The following OLFM3 variants were observed in gnomAD, a reference collection of about 807,000 sequenced individuals.
OLFM3 encodes noelin-3.
A neutral mutation model predicts 48.6 loss-of-function variants in OLFM3; 20 were observed. The ratio of observed to expected loss-of-function variants is 0.41; its 90% CI spans 0.29 to 0.60. OLFM3 has a LOEUF of 0.60. Ranked by LOEUF, OLFM3 falls within the 20% of genes least tolerant of loss-of-function variation. OLFM3 has a pLI of 0.28. For synonymous variants in OLFM3, 222 were observed against 198.1 expected (o/e 1.12, Z -1.01); for missense variants, 437 against 544.3 (o/e 0.80, Z 1.96).
chr1:101,982,131 A>G (rs1208257576), intron 1 of OLFM3, among the ~76,000 whole-genome samples: 2 of 152,214 alleles, frequency 1.3e-5, no homozygotes, highest in African/African-American at 2.4e-5. Flanking sequence ...AAACCTCCCC[A>G]ACAACAGACT....
intron 4 of OLFM3, 87 bp from the exon 5 acceptor site, chr1:101,806,269 C>G: frequency 2.1e-6 from 2 of 957,292 alleles, no homozygotes. Context: ...AGAAGGGGAT[C>G]ATAAAACTAA....
At chr1:101,942,886 T>G (rs1199296343) in intron 1 of OLFM3, among the ~76,000 whole-genome samples, 2 of 152,214 alleles carry the variant, frequency 1.3e-5, no homozygotes, top group Non-Finnish European at 2.9e-5. Flanking sequence ...TCATAATTTT[T>G]TCTTTGGTTA....
chr1:101,833,620 T>C (rs1222637450), intron 2 of OLFM3, among the ~76,000 whole-genome samples: 1 of 152,228 alleles, frequency 6.6e-6, no homozygotes, highest in Non-Finnish European at 1.5e-5. Flanking sequence ...TGGATAATTC[T>C]TTTGGAATTT....
At chr1:101,898,643 G>A (rs1448835762) in intron 1 of OLFM3, among the ~76,000 whole-genome samples, 1 of 152,140 alleles carries the variant, frequency 6.6e-6, no homozygotes, top group East Asian at 1.9e-4. Context: ...GGGGCCAAGA[G>A]TTTGAGACCA....
chr1:101,982,431 T>C (rs528964055), intron 1 of OLFM3, among the ~76,000 whole-genome samples: 5 of 152,302 alleles, frequency 3.3e-5, no homozygotes, highest in South Asian at 2.1e-4. Flanking sequence ...ATAGAGAATA[T>C]AGAGACACTT....
intron 1 of OLFM3, among the ~76,000 whole-genome samples, chr1:101,928,765 C>T (rs1659355285): frequency 1.3e-5 from 2 of 152,044 alleles, no homozygotes; most frequent in Admixed American, 1.3e-4. Flanking sequence ...TGTAGTTTTT[C>T]TAAAAACCTT....
intron 1 of OLFM3, among the ~76,000 whole-genome samples, chr1:101,878,909 A>C (rs531816806): frequency 6.6e-6 from 1 of 151,904 alleles, no homozygotes; most frequent in African/African-American, 2.4e-5. Flanking sequence ...ACAACCAGTA[A>C]TCACTGCCCC....
intron 1 of OLFM3, among the ~76,000 whole-genome samples, chr1:101,960,612 C>T (rs17487709): frequency 0.3 from 45,843 of 152,022 alleles, 7,035 homozygotes; most frequent in Middle Eastern, 0.32. Context: ...TACTCTTAGC[C>T]CTGTGTAGTT....
At chr1:101,915,379 G>A (rs1255976145) in intron 1 of OLFM3, among the ~76,000 whole-genome samples, 1 of 151,640 alleles carries the variant, frequency 6.6e-6, no homozygotes, top group Non-Finnish European at 1.5e-5. Flanking sequence ...AAAAAAGCAT[G>A]TTTAAAACAA....
At chr1:101,894,253 T>C (rs1337255555) in intron 1 of OLFM3, among the ~76,000 whole-genome samples, 1 of 152,164 alleles carries the variant, frequency 6.6e-6, no homozygotes, top group Non-Finnish European at 1.5e-5. Context: ...TCTCTCCACT[T>C]TGGCAACAAA....
At chr1:101,945,356 C>T (rs1417077111) in intron 1 of OLFM3, among the ~76,000 whole-genome samples, 34 of 152,134 alleles carry the variant, frequency 2.2e-4, no homozygotes, top group Admixed American at 2.2e-3. Context: ...ATATACACAA[C>T]AATATGAGTG....
At chr1:101,941,167 G>A (rs1026263722) in intron 1 of OLFM3, among the ~76,000 whole-genome samples, 1 of 152,152 alleles carries the variant, frequency 6.6e-6, no homozygotes, top group Non-Finnish European at 1.5e-5. Context: ...AAGGTTTGAC[G>A]GAGGTCCATC....
At position 101,803,147 on chromosome 1, in the gene OLFM3, A is replaced by G. The variant is rs1653572048; in HGVS notation, c.*1091T>C. 1 of 152,122 alleles carries G rather than the reference A, an allele frequency of 6.6e-6. No homozygotes were observed. Among genetic ancestry groups the G allele is most frequent in the Non-Finnish European group, 1.5e-5 (1 of 67,762 alleles). 9.4% of individuals were successfully genotyped at this position (152,122 alleles called of 1,614,324 possible). A position where few individuals can be genotyped will look rare whatever the true frequency, so the allele number is the denominator to read the frequency against. On this transcript the variant is annotated 3_prime_UTR_variant, in exon 6 of 6. Transcript: ENST00000370103. ...CTCAGGGCTCATAATCTAAATCTAG[A>G]GGACATTACAGAATTTTTTTTTTCT...
chr1:101,950,806 T>G (rs1299050719), intron 1 of OLFM3, among the ~76,000 whole-genome samples: 1 of 152,130 alleles, frequency 6.6e-6, no homozygotes, highest in African/African-American at 2.4e-5. Flanking sequence ...GAACAAGGGC[T>G]TTGTCTGCTT....
intron 1 of OLFM3, among the ~76,000 whole-genome samples, chr1:101,966,315 A>ATT (rs200163220): frequency 0.21 from 26,765 of 125,458 alleles, 2,635 homozygotes; most frequent in East Asian, 0.41. Flanking sequence ...CACCTGGCTA[A>ATT]TTTGTGTGTG....
At chr1:101,965,965 G>T (rs4908204) in intron 1 of OLFM3, among the ~76,000 whole-genome samples, 121,792 of 151,934 alleles carry the variant, frequency 0.8, 49,033 homozygotes, top group East Asian at 0.96. Context: ...CTTCATTCTC[G>T]GCCTTTGCCC....
intron 1 of OLFM3, among the ~76,000 whole-genome samples, chr1:101,896,812 T>C (rs1225878296): frequency 1.3e-5 from 2 of 151,932 alleles, no homozygotes; most frequent in Admixed American, 6.6e-5. Flanking sequence ...CTCTTTTCTA[T>C]CTGAACTGAT....
chr1:101,874,778 G>T (rs1271100096), intron 1 of OLFM3, among the ~76,000 whole-genome samples: 1 of 151,936 alleles, frequency 6.6e-6, no homozygotes, highest in Non-Finnish European at 1.5e-5. Flanking sequence ...TTGAATGGAA[G>T]GAGAAGGCAG....
intron 1 of OLFM3, among the ~76,000 whole-genome samples, chr1:101,967,981 C>T (rs1474895021): frequency 1.3e-5 from 2 of 152,138 alleles, no homozygotes; most frequent in African/African-American, 2.4e-5. Context: ...GAAGAAAACC[C>T]TTAACTTCTC....
Sources: gnomAD v4.1 joint callset for allele counts (sites outside exome capture counted in the v4.1 genomes callset) on GRCh38, gnomAD v4.1.1 for gene constraint, MANE v1.5 for transcripts, NCBI Gene and HGNC (gene_info 2026-07-23, HGNC 2026-07-21) for gene names.